The following POLQ variants were observed in gnomAD, a reference collection of about 807,000 sequenced individuals.
POLQ encodes epididymis secretory sperm binding protein.
POLQ carries 233 observed loss-of-function variants against 259.2 expected under a neutral mutation model. That is an observed-to-expected ratio of 0.90 (90% CI 0.81 to 1.00). The LOEUF is 1.00. Among genes scored for constraint, POLQ ranks in the 50% least tolerant of loss-of-function variants. The pLI is 0.00. For missense variants in POLQ, 2,871 were observed against 3,051.6 expected (o/e 0.94, Z 1.39); for synonymous variants, 1,025 against 1,048.8 (o/e 0.98, Z 0.44).
rs767768260 is a variant in POLQ, at chr3:121,460,108, T to C, written c.7094A>G (p.Glu2365Gly). The change falls in exon 25 of 30, where the codon GAG becomes GGG. Residue 2365 changes from glutamate to glycine, a missense_variant. Glu to Gly is a moderately conservative substitution (Grantham distance 98, BLOSUM62 -2). Transcript: ENST00000264233. ...AGACTCTGGCTCAATCATCTTCCAC[T>C]CTGCTGCAATGCTCCTGAAAACATC... Reference protein sequence around the residue: ...GADVFRSIAAEWKMIEPESVG... With the variant: ...GADVFRSIAAGWKMIEPESVG... 1 of 1,614,100 alleles carries C rather than the reference T, an allele frequency of 6.2e-7. No homozygotes were observed. Among genetic ancestry groups the C allele is most frequent in the South Asian group, 1.1e-5 (1 of 91,082 alleles).
At position 121,488,263 on chromosome 3, in the gene POLQ, A is replaced by T; in HGVS notation, c.4668T>A (p.Ile1556=). 6.2e-7 allele frequency: 1 copy of T among 1,612,956 alleles called. No individual in the cohort carries two copies. The highest frequency in any genetic ancestry group is 1.1e-5 in the South Asian group (1 of 90,880). ...GAACAGAATCCATTTCTGAAAATAT[A>T]ATAGATTCATCATTGGAACAAGTCA... ...QQLTCSNDES[I]IFSEMDSVQM... The change falls in exon 16 of 30, where the codon ATT becomes ATA. Residue 1556 remains isoleucine (I), a synonymous_variant. Coordinates refer to ENST00000264233, the MANE Select transcript of POLQ (RefSeq NM_199420.4).
intron 14 of POLQ, 63 bp downstream of exon 14, chr3:121,496,745 G>T (rs2048127406): frequency 1.3e-6 from 2 of 1,504,798 alleles, no homozygotes; most frequent in Non-Finnish European, 1.8e-6. Flanking sequence ...GAAAAAAAAA[G>T]TAATCTTAAC....
At chr3:121,458,384 A>T (rs2047761219) in intron 25 of POLQ, among the ~76,000 whole-genome samples, 1 of 151,950 alleles carries the variant, frequency 6.6e-6, no homozygotes, top group East Asian at 1.9e-4. Context: ...TTAAAGTATA[A>T]TAATAATAAA....
At chr3:121,525,115 G>A (rs1298810130) in intron 7 of POLQ, among the ~76,000 whole-genome samples, 2 of 152,146 alleles carry the variant, frequency 1.3e-5, no homozygotes, top group Non-Finnish European at 2.9e-5. Flanking sequence ...TCCAAGGCGA[G>A]TGGATCACGA....
intron 6 of POLQ, 75 bp downstream of exon 6, chr3:121,532,915 T>C: frequency 1.1e-6 from 1 of 942,260 alleles, no homozygotes; most frequent in Non-Finnish European, 1.6e-6. Flanking sequence ...TCATTCAGAA[T>C]TTGTTAGCAA....
In POLQ at chr3:121,460,176, T is replaced by A. The variant is rs771303558; in HGVS notation, c.7026A>T (p.Leu2342Phe). 295 of 1,613,328 alleles carry A rather than the reference T, an allele frequency of 1.8e-4. No individual in the cohort carries two copies. The highest frequency in any genetic ancestry group is 2.3e-4 in the Non-Finnish European group (276 of 1,179,282). ...CTTGAATGAGACGACGATCATGGGA[T>A]AAATGAGCCAAGATCCTCAGTTCAA... ...SQLELRILAH[L>F]SHDRRLIQVL... The change falls in exon 25 of 30, where the codon TTA becomes TTT. Residue 2342 changes from leucine to phenylalanine, a missense_variant. This residue lies in a region of POLQ where 2,080 missense variants were observed against 2,126.0 expected (regional missense o/e 0.98). Transcript: ENST00000264233.
At chr3:121,486,647 T>C (rs2048014129) in intron 16 of POLQ, among the ~76,000 whole-genome samples, 1 of 152,144 alleles carries the variant, frequency 6.6e-6, no homozygotes, top group Non-Finnish European at 1.5e-5. Context: ...GTGGATCACT[T>C]GAGGTCCGGA....
At chr3:121,532,153 G>A (rs2108817754) in intron 6 of POLQ, among the ~76,000 whole-genome samples, 1 of 152,122 alleles carries the variant, frequency 6.6e-6, no homozygotes, top group South Asian at 2.1e-4. Context: ...TTCAAGATAG[G>A]GATTATAATA....
At chr3:121,508,581 A>G (rs1392415556) in intron 12 of POLQ, among the ~76,000 whole-genome samples, 1 of 152,236 alleles carries the variant, frequency 6.6e-6, no homozygotes, top group African/African-American at 2.4e-5. Context: ...TTTTAAGGCC[A>G]TGATAGATGA....
chr3:121,468,424 T>C lies in POLQ; in HGVS notation c.6726A>G (p.Ile2242Met), dbSNP rs758329234. Residue 2242 changes from isoleucine to methionine, a missense_variant, in exon 23 of 30, where the codon ATA becomes ATG. Physicochemically the swap from Ile to Met is conservative, Grantham distance 10. Coordinates refer to ENST00000264233, the MANE Select transcript of POLQ (RefSeq NM_199420.4). Reference protein sequence around the residue: ...VSQSHTATGRITFTEPNIQNV... With the variant: ...VSQSHTATGRMTFTEPNIQNV... ...TCTGAATATTTGGTTCTGTAAAGGT[T>C]ATTCGTCCTAAAATCAAGCAGAATA... The C allele has an allele frequency of 1.2e-6, 2 of 1,608,178 alleles. No homozygotes were observed. Among genetic ancestry groups the C allele is most frequent in the South Asian group, 2.2e-5 (2 of 90,526 alleles).
At position 121,449,490 on chromosome 3, in the gene POLQ, T is replaced by C. The variant is rs1433589880; in HGVS notation, c.7153-64A>G. ...CATAAAATGCAAATAAAAGGGTTCA[T>C]TAGGATGCGAATTTCGGCAAACTTT... On this transcript the variant is annotated intron_variant, in intron 25 of 29. Transcript: ENST00000264233. 8 of 895,180 alleles carry C rather than the reference T, an allele frequency of 8.9e-6. 1 individual carries two copies. In the South Asian group the frequency reaches 1.0e-4, roughly 11 times the overall value. 55.5% of individuals were successfully genotyped at this position (895,180 alleles called of 1,614,324 possible).
chr3:121,467,445 A>AT, intron 24 of POLQ, 74 bp downstream of exon 24: 1 of 1,466,214 alleles, frequency 6.8e-7, no homozygotes, highest in Non-Finnish European at 9.5e-7. Flanking sequence ...TCTCACTCAT[A>AT]TTTCAGGCTT....
intron 26 of POLQ, among the ~76,000 whole-genome samples, chr3:121,440,548 C>T (rs1487592098): frequency 6.6e-6 from 1 of 152,152 alleles, no homozygotes; most frequent in Non-Finnish European, 1.5e-5. Flanking sequence ...GTGGCCCAGG[C>T]TGGTCTCAAA....
At chr3:121,517,202 T>C (rs918181223) in intron 9 of POLQ, among the ~76,000 whole-genome samples, 1 of 152,178 alleles carries the variant, frequency 6.6e-6, no homozygotes, top group African/African-American at 2.4e-5. Context: ...AAATTGGGGA[T>C]GGACAGAGGT....
In POLQ at chr3:121,481,645, T is replaced by G; in HGVS notation, c.6138A>C (p.Ala2046=). 1 of 1,613,902 alleles carries G rather than the reference T, an allele frequency of 6.2e-7. No homozygotes were observed. Among genetic ancestry groups the G allele is most frequent in the Non-Finnish European group, 8.5e-7 (1 of 1,179,774 alleles). The change falls in exon 19 of 30, where the codon GCA becomes GCC. Residue 2046 remains alanine, a synonymous_variant. Coordinates refer to ENST00000264233, the MANE Select transcript of POLQ (RefSeq NM_199420.4). The part of the protein sequence containing the change: ...AGSEHSGRYR[A]SVESILIFNS... ...TGAAGATGAGAATGGACTCCACAGA[T>G]GCTCTGTATCGCCCAGAATGCTCAC...
At chr3:121,509,725 G>C in intron 11 of POLQ, 22 bp from the exon 12 acceptor site, 1 of 1,591,554 alleles carries the variant, frequency 6.3e-7, no homozygotes. Context: ...TTAGGGTGAG[G>C]AAACAGAGGA....
At chr3:121,458,004 G>T (rs2047756920) in intron 25 of POLQ, among the ~76,000 whole-genome samples, 1 of 152,188 alleles carries the variant, frequency 6.6e-6, no homozygotes, top group Non-Finnish European at 1.5e-5. Flanking sequence ...AACAATGATA[G>T]ACTAGATTAA....
intron 7 of POLQ, among the ~76,000 whole-genome samples, chr3:121,527,363 A>T (rs2048380874): frequency 6.6e-6 from 1 of 152,064 alleles, no homozygotes; most frequent in Admixed American, 6.6e-5. Context: ...TGCCCGGCCT[A>T]ATTTTTTAAC....
At chr3:121,454,745 G>A (rs1244910675) in intron 25 of POLQ, among the ~76,000 whole-genome samples, 1 of 152,158 alleles carries the variant, frequency 6.6e-6, no homozygotes, top group Non-Finnish European at 1.5e-5. Flanking sequence ...AGTCCTGAGT[G>A]ACCTTCAAGA....
Sources: allele counts gnomAD v4.1 joint callset (sites outside exome capture counted in the v4.1 genomes callset), GRCh38; gene constraint gnomAD v4.1.1; regional missense constraint gnomAD v4.1.1; transcripts MANE v1.5; gene names NCBI Gene and HGNC (gene_info 2026-07-23, HGNC 2026-07-21).